SV2C: variants seen among roughly 807,000 people sequenced by gnomAD.
SV2C encodes the protein solute carrier family 22 member B3.
Under a neutral mutation model 79.7 loss-of-function variants are expected in SV2C, and 49 were observed. That is an observed-to-expected ratio of 0.61 (90% CI 0.49 to 0.78). SV2C has a LOEUF of 0.78. Among genes scored for constraint, SV2C ranks in the 30% least tolerant of loss-of-function variants. SV2C has a pLI of 0.00. For synonymous variants in SV2C, 334 were observed against 333.2 expected (o/e 1.00, Z -0.03); for missense variants, 833 against 912.9 (o/e 0.91, Z 1.13).
chr5:76,298,858 G>C lies in SV2C; in HGVS notation c.1567G>C (p.Glu523Gln). ...CTCTGTTTTTAAGTCCTGCACCTTTGAGGATGTAACTTCAGTGAACACCTA... is the reference window on the plus strand; with the variant it reads ...CTCTGTTTTTAAGTCCTGCACCTTTCAGGATGTAACTTCAGTGAACACCTA... ...KDSVFKSCTF[E>Q]DVTSVNTYFK... is the part of the protein sequence containing the mutation. The change falls in exon 10 of 13, where the codon GAG becomes CAG. Residue 523 changes from glutamate to glutamine, a missense_variant. By Grantham distance (29) the Glu-to-Gln change is conservative (BLOSUM62 2). Transcript: ENST00000502798. 2 of 1,613,960 alleles carry C rather than the reference G, an allele frequency of 1.2e-6. No homozygotes were observed. The highest frequency in any genetic ancestry group is 1.7e-6 in the Non-Finnish European group (2 of 1,179,898).
At chr5:76,141,823 C>CAAAAAAAAAAAAAAAAAAAAAATAAAAAA in intron 2 of SV2C, among the ~76,000 whole-genome samples, 1 of 72,474 alleles carries the variant, frequency 1.4e-5, no homozygotes, top group Non-Finnish European at 2.6e-5. Context: ...AAGTCCATCT[C>CAAAAAAAAAAAAAAAAAAAAAATAAAAAA]AAAAAAAAAA....
the SV2C span, among the ~76,000 whole-genome samples, chr5:76,063,591 G>T: frequency 6.6e-6 from 1 of 152,104 alleles, no homozygotes; most frequent in African/African-American, 2.4e-5. Context: ...CTCCCACTAT[G>T]CAGGCTTTTA....
intron 1 of SV2C, among the ~76,000 whole-genome samples, chr5:76,111,295 CTCTT>C (rs1279900267): frequency 1.3e-5 from 2 of 152,132 alleles, no homozygotes; most frequent in African/African-American, 2.4e-5. Context: ...TCTTCACTAA[CTCTT>C]TCTTTCTTTT....
chr5:75,870,913 C>T, the SV2C span, among the ~76,000 whole-genome samples: 18,960 of 152,114 alleles, frequency 0.12, 1,390 homozygotes, highest in African/African-American at 0.22. Context: ...ACAAGGTTAG[C>T]GTGAGCCTAA....
chr5:76,022,856 A>G, the SV2C span, among the ~76,000 whole-genome samples: 4 of 152,194 alleles, frequency 2.6e-5, no homozygotes, highest in Non-Finnish European at 5.9e-5. Flanking sequence ...CAGTTTTCCA[A>G]TGCATATTAT....
chr5:76,301,320 C>T (rs1432150794), intron 11 of SV2C, 66 bp from the exon 12 acceptor site: 9 of 1,591,566 alleles, frequency 5.7e-6, no homozygotes, highest in African/African-American at 1.3e-5. Context: ...ATCCCAAGGA[C>T]CCAAGGGTTC....
chr5:75,850,066 T>C, the SV2C span, among the ~76,000 whole-genome samples: 13 of 152,210 alleles, frequency 8.5e-5, no homozygotes, highest in Non-Finnish European at 1.6e-4. Flanking sequence ...AATGATGCTG[T>C]TTAATTCTGT....
the SV2C span, among the ~76,000 whole-genome samples, chr5:76,037,264 A>T: frequency 6.6e-6 from 1 of 152,286 alleles, no homozygotes; most frequent in Admixed American, 6.5e-5. Flanking sequence ...CATTCTATGT[A>T]CAGCTTTGTT....
the SV2C span, among the ~76,000 whole-genome samples, chr5:75,984,598 C>CTACCTAT: frequency 4.5e-4 from 37 of 82,522 alleles, no homozygotes; most frequent in Middle Eastern, 7.1e-3. Flanking sequence ...TATCTATCTA[C>CTACCTAT]CTATCTATCT....
At chr5:75,946,335 A>G in the SV2C span, among the ~76,000 whole-genome samples, 1 of 152,124 alleles carries the variant, frequency 6.6e-6, no homozygotes, top group Non-Finnish European at 1.5e-5. Flanking sequence ...ATCATTTTCC[A>G]TTGAATTACC....
chr5:76,161,335 G>T (rs1742892293), intron 2 of SV2C, among the ~76,000 whole-genome samples: 2 of 152,150 alleles, frequency 1.3e-5, no homozygotes, highest in African/African-American at 4.8e-5. Context: ...TATTGAGACA[G>T]AAAGTAGATT....
At chr5:76,090,854 A>G (rs1225901269) in intron 1 of SV2C, among the ~76,000 whole-genome samples, 1 of 152,208 alleles carries the variant, frequency 6.6e-6, no homozygotes, top group African/African-American at 2.4e-5. Flanking sequence ...GCTTTAAATT[A>G]CCCAGCTGAG....
chr5:76,020,082 C>T, the SV2C span, among the ~76,000 whole-genome samples: 1 of 152,128 alleles, frequency 6.6e-6, no homozygotes, highest in Admixed American at 6.6e-5. Context: ...GTTTTAAAAC[C>T]TTTCACTGTT....
chr5:76,001,519 G>A, the SV2C span, among the ~76,000 whole-genome samples: 10 of 151,858 alleles, frequency 6.6e-5, no homozygotes, highest in Admixed American at 1.3e-4. Context: ...GGAGAATGGC[G>A]TGAACCCGGG....
the SV2C span, among the ~76,000 whole-genome samples, chr5:76,074,387 A>G: frequency 6.6e-6 from 1 of 152,104 alleles, no homozygotes; most frequent in Non-Finnish European, 1.5e-5. Context: ...CAGATGCCAC[A>G]TTTACTGAGG....
intron 4 of SV2C, among the ~76,000 whole-genome samples, chr5:76,264,786 C>T: frequency 6.6e-6 from 1 of 152,208 alleles, no homozygotes; most frequent in Non-Finnish European, 1.5e-5. Flanking sequence ...GTAAAGATTC[C>T]TGCCTGCTCC....
At chr5:76,052,328 A>C in the SV2C span, among the ~76,000 whole-genome samples, 1 of 152,218 alleles carries the variant, frequency 6.6e-6, no homozygotes, top group Non-Finnish European at 1.5e-5. Context: ...CAGAGATTGC[A>C]GGCATAAGGT....
At chr5:75,999,375 A>G in the SV2C span, among the ~76,000 whole-genome samples, 5 of 134,806 alleles carry the variant, frequency 3.7e-5, no homozygotes, top group Admixed American at 7.7e-5. Flanking sequence ...GGGAGGGAGA[A>G]AGAGAGAGAG....
At chr5:76,146,875 A>G (rs1392181888) in intron 2 of SV2C, among the ~76,000 whole-genome samples, 1 of 151,908 alleles carries the variant, frequency 6.6e-6, no homozygotes, top group Non-Finnish European at 1.5e-5. Context: ...AGTTTTAAAA[A>G]GAAAAAAATT....
Sources: allele counts gnomAD v4.1 joint callset (sites outside exome capture counted in the v4.1 genomes callset), GRCh38; gene constraint gnomAD v4.1.1; transcripts MANE v1.5; gene names NCBI Gene and HGNC (gene_info 2026-07-23, HGNC 2026-07-21).